STIM1: variants seen among roughly 807,000 people sequenced by gnomAD.
STIM1 encodes stromal interaction molecule 1.
A neutral mutation model predicts 74.7 loss-of-function variants in STIM1; 25 were observed. The observed-to-expected ratio is 0.33, with a 90% CI of 0.24 to 0.47. The LOEUF (loss-of-function observed/expected upper bound fraction) is 0.47. Ranked by LOEUF, STIM1 falls within the 20% of genes least tolerant of loss-of-function variation. The pLI, the probability that STIM1 is intolerant of heterozygous loss-of-function variation, is 1.00. For missense variants in STIM1, 728 were observed against 920.8 expected (o/e 0.79, Z 2.71); for synonymous variants, 328 against 348.8 (o/e 0.94, Z 0.66).
chr11:4,004,784 T>A (rs891695068), intron 2 of STIM1, among the ~76,000 whole-genome samples: 10 of 152,054 alleles, frequency 6.6e-5, no homozygotes, highest in Middle Eastern at 6.8e-3. Context: ...GAAACTACCA[T>A]CAGAGTGAAC....
intron 1 of STIM1, among the ~76,000 whole-genome samples, chr11:3,886,687 CAAAAAAAAAAAAAA>C (rs199847545): frequency 0.41 from 36,576 of 88,738 alleles, 5,784 homozygotes; most frequent in South Asian, 0.56. Context: ...GACTCTGTGT[CAAAAAAAAAAAAAA>C]AAAAAAAAAA....
intron 2 of STIM1, among the ~76,000 whole-genome samples, chr11:4,018,015 G>A (rs1236024541): frequency 3.9e-5 from 6 of 152,170 alleles, no homozygotes; most frequent in Non-Finnish European, 8.8e-5. Context: ...TCAAAGTCTT[G>A]ATAATAGCCT....
intron 5 of STIM1, among the ~76,000 whole-genome samples, chr11:4,064,012 G>A (rs530617830): frequency 1.3e-5 from 2 of 152,226 alleles, no homozygotes; most frequent in South Asian, 4.1e-4. Context: ...TGGCAATTCA[G>A]TTCTGCCTAG....
chr11:4,089,777 C>CTT (rs1319223335), intron 12 of STIM1, among the ~76,000 whole-genome samples: 2 of 152,162 alleles, frequency 1.3e-5, no homozygotes, highest in Non-Finnish European at 2.9e-5. Context: ...GACCCTCAGC[C>CTT]TCTTTCTTTC....
chr11:3,987,722 T>G (rs1037884550), intron 2 of STIM1, among the ~76,000 whole-genome samples: 3 of 152,106 alleles, frequency 2.0e-5, no homozygotes, highest in Non-Finnish European at 2.9e-5. Flanking sequence ...AACAAAGCCT[T>G]CTGGAACTCC....
intron 1 of STIM1, among the ~76,000 whole-genome samples, chr11:3,901,261 C>T (rs2092341664): frequency 6.6e-6 from 1 of 152,066 alleles, no homozygotes; most frequent in African/African-American, 2.4e-5. Context: ...AGTAAAAGAC[C>T]TTTGAGATTA....
At chr11:3,932,975 CAT>C (rs1340829009) in intron 1 of STIM1, among the ~76,000 whole-genome samples, 1 of 152,178 alleles carries the variant, frequency 6.6e-6, no homozygotes, top group Non-Finnish European at 1.5e-5. Context: ...CAGTAGAAAA[CAT>C]AGAAGGAGCT....
intron 2 of STIM1, among the ~76,000 whole-genome samples, chr11:3,999,089 C>T (rs1301841271): frequency 6.6e-6 from 1 of 152,182 alleles, no homozygotes; most frequent in East Asian, 1.9e-4. Context: ...CTTATGCCTG[C>T]AATCCCATCA....
At chr11:3,862,343 G>C (rs907447698) in intron 1 of STIM1, among the ~76,000 whole-genome samples, 2 of 152,092 alleles carry the variant, frequency 1.3e-5, no homozygotes, top group African/African-American at 4.8e-5. Flanking sequence ...ATGAAACAGG[G>C]AATGGACAGG....
chr11:3,963,147 C>T (rs2093305237), intron 1 of STIM1, among the ~76,000 whole-genome samples: 1 of 152,152 alleles, frequency 6.6e-6, no homozygotes, highest in African/African-American at 2.4e-5. Context: ...AACTAAGCTT[C>T]TGACATGGGG....
chr11:4,075,366 A>G (rs1565168355), intron 7 of STIM1, among the ~76,000 whole-genome samples: 1 of 152,212 alleles, frequency 6.6e-6, no homozygotes. Flanking sequence ...TCAGCACCCC[A>G]GGAAACTCAC....
chr11:3,941,585 A>ATGTGTGTGTGTG lies in STIM1; in HGVS notation c.140-25949_140-25938dup, dbSNP rs111336047. Among the ~76,000 whole-genome samples, 802 of 139,646 alleles carry ATGTGTGTGTGTG rather than the reference A, an allele frequency of 5.7e-3. 10 individuals are homozygous for ATGTGTGTGTGTG. Among genetic ancestry groups the ATGTGTGTGTGTG allele is most frequent in the African/African-American group, 0.02 (756 of 37,134 alleles). The allele number at this position is 139,646 out of a possible 152,430, so 91.6% of individuals were successfully genotyped here. A position where few individuals can be genotyped will look rare whatever the true frequency, so the allele number is the denominator to read the frequency against. ...GTATTGCCATAGAAGAAGCATATAT[A>ATGTGTGTGTGTG]TGTGTGTGTGTGTGTGTGTGTGTGT... is the stretch of plus-strand genomic sequence containing the variant. On this transcript the variant is annotated intron_variant, in intron 1 of 12. Coordinates refer to ENST00000526596, the MANE Select transcript of STIM1 (RefSeq NM_001382567.1).
chr11:3,894,007 G>A (rs976601732), intron 1 of STIM1, among the ~76,000 whole-genome samples: 11 of 152,086 alleles, frequency 7.2e-5, no homozygotes, highest in African/African-American at 2.2e-4. Flanking sequence ...CTTGAACTCC[G>A]GAGCTCAAGC....
chr11:4,044,292 C>T (rs1326089467), intron 3 of STIM1, among the ~76,000 whole-genome samples: 2 of 152,162 alleles, frequency 1.3e-5, no homozygotes, highest in African/African-American at 2.4e-5. Flanking sequence ...CTAAGCTCTC[C>T]TTGCCAAATT....
intron 2 of STIM1, among the ~76,000 whole-genome samples, chr11:3,993,675 C>CA (rs1324813557): frequency 3.3e-5 from 5 of 151,924 alleles, no homozygotes; most frequent in African/African-American, 1.2e-4. Context: ...AAAAACGAAA[C>CA]AAAAACCCCA....
rs375014814 is a variant in STIM1 at position 3,963,634 on chromosome 11, T to TA, written c.140-3911dup. 2.1e-3 allele frequency among the ~76,000 whole-genome samples: 319 copies of TA among 152,330 alleles called. 3 individuals are homozygous for TA. The highest frequency in any genetic ancestry group is 7.1e-3 in the African/African-American group (295 of 41,568). ...AGAGTTAATATTTAGGTATTCATTT[T>TA]AAAAAAACATTTACTGAGCATCTTA... On this transcript the variant is annotated intron_variant, in intron 1 of 12. Transcript: ENST00000526596.
At chr11:3,957,509 A>G (rs2093230448) in intron 1 of STIM1, among the ~76,000 whole-genome samples, 2 of 151,994 alleles carry the variant, frequency 1.3e-5, no homozygotes, top group African/African-American at 4.8e-5. Flanking sequence ...CACCTGCCTC[A>G]GCCTCCCAAA....
At chr11:4,062,172 T>C (rs1340735432) in intron 5 of STIM1, among the ~76,000 whole-genome samples, 4 of 152,198 alleles carry the variant, frequency 2.6e-5, no homozygotes. Flanking sequence ...TTAAAAAGCA[T>C]ATACAACAAA....
At chr11:3,984,799 G>A (rs775668580) in intron 2 of STIM1, among the ~76,000 whole-genome samples, 34 of 152,270 alleles carry the variant, frequency 2.2e-4, no homozygotes, top group Non-Finnish European at 4.1e-4. Flanking sequence ...AAGTAATGAT[G>A]ACAATAAGAT....
Sources: gnomAD v4.1 joint callset for allele counts (sites outside exome capture counted in the v4.1 genomes callset) on GRCh38, gnomAD v4.1.1 for gene constraint, MANE v1.5 for transcripts, NCBI Gene and HGNC (gene_info 2026-07-23, HGNC 2026-07-21) for gene names.